Variants in ABITRAM observed in about 807,000 individuals in gnomAD.
ABITRAM encodes the protein actin binding transcription modulator.
ABITRAM carries 19 observed loss-of-function variants against 22.9 expected under a neutral mutation model. That is an observed-to-expected ratio of 0.83 (90% CI 0.58 to 1.22). The LOEUF (loss-of-function observed/expected upper bound fraction) is 1.22. Ranked by LOEUF, ABITRAM falls within the 50% of genes most tolerant of loss-of-function variation. ABITRAM has a pLI of 0.00. For synonymous variants in ABITRAM, 70 were observed against 73.9 expected (o/e 0.95, Z 0.27); for missense variants, 215 against 220.2 (o/e 0.98, Z 0.15).
intron 3 of ABITRAM, among the ~76,000 whole-genome samples, chr9:108,937,969 C>T (rs1830208761): frequency 6.7e-6 from 1 of 149,528 alleles, no homozygotes; most frequent in East Asian, 2.0e-4. Context: ...TGCACTCCAG[C>T]CTGGATGACA....
At chr9:108,934,903 C>T (rs73654191) in intron 1 of ABITRAM, among the ~76,000 whole-genome samples, 2,695 of 152,216 alleles carry the variant, frequency 0.018, 79 homozygotes, top group African/African-American at 0.062. Flanking sequence ...GGGGCTCACT[C>T]TCACAGGGAG....
chr9:108,950,399 A>G (rs1830525965), intron 3 of ABITRAM: 2 of 1,208,330 alleles, frequency 1.7e-6, no homozygotes, highest in Non-Finnish European at 2.3e-6. Context: ...GAAGGAAACC[A>G]CCAAAGGAAT....
At chr9:108,948,531 A>G (rs1830470375) in intron 3 of ABITRAM, among the ~76,000 whole-genome samples, 1 of 152,188 alleles carries the variant, frequency 6.6e-6, no homozygotes, top group African/African-American at 2.4e-5. Flanking sequence ...TACTTCATAA[A>G]TTAAATATGT....
rs200789185 is a variant in ABITRAM at position 108,934,464 on chromosome 9, G to T, written c.-23G>T. 8.2e-6 allele frequency: 13 copies of T among 1,586,176 alleles called. No homozygotes were observed. The highest frequency in any genetic ancestry group is 1.1e-5 in the Non-Finnish European group (13 of 1,168,150). On this transcript the variant is annotated 5_prime_UTR_variant, in exon 1 of 6. Coordinates refer to ENST00000322940, the MANE Select transcript of ABITRAM (RefSeq NM_017832.4). ...GAAGCGCTGGGGTCCCGGAGGGCGG[G>T]GGTGGCGGCGCCGGAGGTCGCCATG...
In ABITRAM at chr9:108,940,398, T is replaced by C. The variant is rs552636596; in HGVS notation, c.*712T>C. On this transcript the variant is annotated 3_prime_UTR_variant, in exon 6 of 6. Coordinates refer to ENST00000322940, the MANE Select transcript of ABITRAM (RefSeq NM_017832.4). ...GAAGTTTAAAAAAACCTAACCCACCTTTCTTACCCAGTCTTCTATAATGTG... is the reference window on the plus strand; with the variant it reads ...GAAGTTTAAAAAAACCTAACCCACCCTTCTTACCCAGTCTTCTATAATGTG... 3.9e-5 allele frequency: 6 copies of C among 152,342 alleles called. No individual in the cohort carries two copies. The highest frequency in any genetic ancestry group is 1.4e-4 in the African/African-American group (6 of 41,568). The allele number at this position is 152,342 out of a possible 1,614,324, so 9.4% of individuals were successfully genotyped here.
At chr9:108,949,171 T>C (rs1830487455) in intron 3 of ABITRAM, among the ~76,000 whole-genome samples, 1 of 152,194 alleles carries the variant, frequency 6.6e-6, no homozygotes, top group African/African-American at 2.4e-5. Context: ...GGAAAACTGC[T>C]ACAAGGTATT....
At chr9:108,949,752 G>A (rs1830503565) in intron 3 of ABITRAM, among the ~76,000 whole-genome samples, 1 of 152,172 alleles carries the variant, frequency 6.6e-6, no homozygotes, top group Non-Finnish European at 1.5e-5. Flanking sequence ...GCTGAGGCAG[G>A]AGAATCACCT....
rs1830234564 is a variant in ABITRAM, at chr9:108,939,768, A to G, written c.*82A>G. ...AGGGTACTAAAGGAGAAGAACCAGT[A>G]TATGTAAAGCATACCTAACAGCCAG... On this transcript the variant is annotated 3_prime_UTR_variant, in exon 6 of 6. Coordinates refer to ENST00000322940, the MANE Select transcript of ABITRAM (RefSeq NM_017832.4). 1 of 1,534,000 alleles carries G rather than the reference A, an allele frequency of 6.5e-7. No homozygotes were observed. The highest frequency in any genetic ancestry group is 1.2e-5 in the South Asian group (1 of 81,246).
intron 3 of ABITRAM, among the ~76,000 whole-genome samples, chr9:108,950,308 G>A (rs915237793): frequency 9.2e-5 from 14 of 152,114 alleles, no homozygotes; most frequent in African/African-American, 3.1e-4. Flanking sequence ...TTTTAAAAAG[G>A]TATGAACTTA....
downstream of ABITRAM, among the ~76,000 whole-genome samples, chr9:108,945,463 CT>C (rs578073650): frequency 2.4e-3 from 323 of 135,416 alleles, no homozygotes; most frequent in Middle Eastern, 3.8e-3. Context: ...GGTTTTCTTC[CT>C]TTTTTTTTTT....
At chr9:108,935,300 C>A (rs1308219892) in intron 1 of ABITRAM, among the ~76,000 whole-genome samples, 1 of 152,080 alleles carries the variant, frequency 6.6e-6, no homozygotes, top group African/African-American at 2.4e-5. Flanking sequence ...TCCTGGAAAC[C>A]ACCAACAAAA....
chr9:108,943,652 T>A (rs373556295), downstream of ABITRAM: 193 of 1,496,100 alleles, frequency 1.3e-4, no homozygotes, highest in Non-Finnish European at 1.7e-4. Flanking sequence ...AAAAAGGGGC[T>A]TTAACCAGAT....
downstream of ABITRAM, chr9:108,942,945 A>C: frequency 6.2e-7 from 1 of 1,610,644 alleles, no homozygotes; most frequent in South Asian, 1.1e-5. Context: ...AGTCTAAAAT[A>C]GAAAAACTAC....
downstream of ABITRAM, among the ~76,000 whole-genome samples, chr9:108,943,306 G>C (rs746100941): frequency 3.3e-5 from 5 of 152,040 alleles, no homozygotes; most frequent in Non-Finnish European, 7.4e-5. Context: ...GGCTGTTTAG[G>C]GGCTTCTCAA....
At chr9:108,937,674 T>G (rs1830206504) in intron 3 of ABITRAM, among the ~76,000 whole-genome samples, 1 of 152,170 alleles carries the variant, frequency 6.6e-6, no homozygotes, top group Non-Finnish European at 1.5e-5. Flanking sequence ...GAAGTTTCAA[T>G]GATAAATCTC....
rs1587933048 is a variant in ABITRAM, at chr9:108,934,706, C to G, written c.79+141C>G. On this transcript the variant is annotated intron_variant, in intron 1 of 5. Coordinates refer to ENST00000322940, the MANE Select transcript of ABITRAM (RefSeq NM_017832.4). The stretch of plus-strand genomic sequence containing the variant: ...AAGGCACTGGACTTCTGTGTTCCGT[C>G]TAGCCCCAGGGAATGGCATTTGCAA... The G allele has an allele frequency of 2.5e-5, 20 of 810,488 alleles. No homozygotes were observed. In the East Asian group the frequency reaches 6.6e-4, roughly 27 times the overall value. 50.2% of individuals were successfully genotyped at this position (810,488 alleles called of 1,614,324 possible).
At chr9:108,936,866 A>T (rs1830194989) in intron 3 of ABITRAM, among the ~76,000 whole-genome samples, 1 of 152,202 alleles carries the variant, frequency 6.6e-6, no homozygotes, top group Non-Finnish European at 1.5e-5. Flanking sequence ...TTAGAAAAAA[A>T]AAAAGAAAAA....
At chr9:108,942,909 T>A (rs766895759), downstream of ABITRAM, 4 of 1,609,248 alleles carry the variant, frequency 2.5e-6, no homozygotes, top group Non-Finnish European at 3.4e-6. Flanking sequence ...GTAACTATTT[T>A]CTTTTAAACC....
intron 3 of ABITRAM, chr9:108,948,074 T>G (rs1587941797): frequency 8.4e-7 from 1 of 1,196,694 alleles, no homozygotes; most frequent in East Asian, 2.5e-5. Flanking sequence ...AATACACAGG[T>G]AGGTACAGAT....
Sources: gnomAD v4.1 joint callset for allele counts (sites outside exome capture counted in the v4.1 genomes callset) on GRCh38, gnomAD v4.1.1 for gene constraint, MANE v1.5 for transcripts, NCBI Gene and HGNC (gene_info 2026-07-23, HGNC 2026-07-21) for gene names.